The following MTOR variants were observed in gnomAD, a reference collection of about 807,000 sequenced individuals.
MTOR encodes the protein serine/threonine-protein kinase mTOR.
In MTOR, 70 loss-of-function variants were observed where a neutral mutation model predicts 319.8. That is an observed-to-expected ratio of 0.22 (90% CI 0.18 to 0.27). The LOEUF (loss-of-function observed/expected upper bound fraction) is 0.27. Ranked by LOEUF, MTOR falls within the 10% of genes least tolerant of loss-of-function variation. The pLI is 1.00. For missense variants in MTOR, 1,890 were observed against 3,274.4 expected (o/e 0.58, Z 10.32); for synonymous variants, 1,183 against 1,211.4 (o/e 0.98, Z 0.49).
intron 19 of MTOR, among the ~76,000 whole-genome samples, chr1:11,217,450 G>A (rs1326036727): frequency 2.0e-5 from 3 of 150,818 alleles, no homozygotes; most frequent in African/African-American, 7.3e-5. Flanking sequence ...GGAGTACAGT[G>A]GCATGATCTC....
rs373734530 is a variant in MTOR, at chr1:11,106,649, CAT to C, written c.*834_*835del. The C allele has an allele frequency of 1.6e-3, 1,767 of 1,103,648 alleles. 27 individuals carry two copies. In the African/African-American group the frequency reaches 0.026, roughly 16 times the overall value. The allele number at this position is 1,103,648 out of a possible 1,614,324, so 68.4% of individuals were successfully genotyped here. ...CATTTAGTTGAGTATTTGTTCTGCT[CAT>C]AATTTCCAATATGTACCAGACCTTC... On this transcript the variant is annotated 3_prime_UTR_variant, in exon 58 of 58. Coordinates refer to ENST00000361445, the MANE Select transcript of MTOR (RefSeq NM_004958.4).
chr1:11,106,766 C>T lies in MTOR; in HGVS notation c.*719G>A. 8.0e-7 allele frequency: 1 copy of T among 1,251,784 alleles called. No homozygotes were observed. The highest frequency in any genetic ancestry group is 1.0e-6 in the Non-Finnish European group (1 of 981,860). The allele number at this position is 1,251,784 out of a possible 1,614,324, so 77.5% of individuals were successfully genotyped here. A position where few individuals can be genotyped will look rare whatever the true frequency, so the allele number is the denominator to read the frequency against. ...TTGACCACTGAAAACATCCCAGAACCCTGCTGCAGAAGGCCAGTGAGGGTG... is the reference window on the plus strand; with the variant it reads ...TTGACCACTGAAAACATCCCAGAACTCTGCTGCAGAAGGCCAGTGAGGGTG... On this transcript the variant is annotated 3_prime_UTR_variant, in exon 58 of 58. Transcript: ENST00000361445.
At chr1:11,124,752 C>T in intron 46 of MTOR, 119 bp from the exon 47 acceptor site, 1 of 1,143,008 alleles carries the variant, frequency 8.7e-7, no homozygotes. Flanking sequence ...TCACACGTTC[C>T]TCACAAAAAG....
chr1:11,112,996 TAA>T, intron 53 of MTOR, 79 bp from the exon 54 acceptor site: 12 of 1,426,700 alleles, frequency 8.4e-6, no homozygotes, highest in Non-Finnish European at 9.8e-6. Context: ...CTTCCAGTCA[TAA>T]AAATATAATT....
At chr1:11,190,055 T>C (rs2100702253) in intron 28 of MTOR, 1 of 1,397,138 alleles carries the variant, frequency 7.2e-7, no homozygotes, top group Non-Finnish European at 9.6e-7. Context: ...GGGCCTCTTT[T>C]GTGGGTACAC....
intron 28 of MTOR, chr1:11,194,617 G>A (rs910797684): frequency 2.5e-6 from 4 of 1,614,216 alleles, no homozygotes; most frequent in Non-Finnish European, 3.4e-6. Flanking sequence ...CAAGGACAAG[G>A]ACAATGACAA....
chr1:11,228,881 TCC>T lies in MTOR; in HGVS notation c.2815_2816del (p.Gly939LysfsTer6). Reference protein sequence around the residue: ...YSTSEMLVNMGNLPLDEFYPA... With the variant: ...YSTSEMLVNMXNLPLDEFYPA... ...GGTAGAACTCATCCAGAGGCAAGTT[TCC>T]CATGTTGACCAGCATTTCACTAGTG... On this transcript the variant is annotated frameshift_variant, in exon 19 of 58. Coordinates refer to ENST00000361445, the MANE Select transcript of MTOR (RefSeq NM_004958.4). LOFTEE classifies it high-confidence loss of function. The T allele has an allele frequency of 2.5e-6, 4 of 1,614,146 alleles. No individual in the cohort carries two copies. The highest frequency in any genetic ancestry group is 3.4e-6 in the Non-Finnish European group (4 of 1,180,028).
chr1:11,238,305 C>T lies in MTOR; in HGVS notation c.2002+97G>A, dbSNP rs929545765. The T allele has an allele frequency of 3.1e-5, 41 of 1,309,832 alleles. No homozygotes were observed. The East Asian group carries it at 8.2e-4, about 26-fold the overall frequency. The allele number at this position is 1,309,832 out of a possible 1,614,324, so 81.1% of individuals were successfully genotyped here. ...ATAGCTGAATATCAGCTTTTTGAGC[C>T]GAAGAACTCTAGAGAGGCCATGTAA... On this transcript the variant is annotated intron_variant, in intron 12 of 57. Transcript: ENST00000361445.
At chr1:11,204,965 A>T (rs1646091692) in intron 25 of MTOR, among the ~76,000 whole-genome samples, 1 of 152,216 alleles carries the variant, frequency 6.6e-6, no homozygotes, top group Non-Finnish European at 1.5e-5. Context: ...CAGAACCAGA[A>T]TACATGGGAT....
intron 34 of MTOR, 125 bp downstream of exon 34, chr1:11,144,523 C>CAAT (rs1295561969): frequency 4.3e-6 from 3 of 705,026 alleles, no homozygotes; most frequent in Non-Finnish European, 7.3e-6. Context: ...GCAAGCCAAG[C>CAAT]AATACACTGG....
At chr1:11,134,739 C>T (rs1643324365) in intron 36 of MTOR, among the ~76,000 whole-genome samples, 1 of 152,204 alleles carries the variant, frequency 6.6e-6, no homozygotes, top group African/African-American at 2.4e-5. Flanking sequence ...AGTTTCATGC[C>T]TGGCTACCCC....
chr1:11,119,036 C>T (rs143289576), intron 49 of MTOR, among the ~76,000 whole-genome samples: 20 of 152,164 alleles, frequency 1.3e-4, no homozygotes, highest in African/African-American at 4.1e-4. Context: ...TAGTGTCTGA[C>T]TTGGGTTAAG....
chr1:11,194,824 T>C, intron 28 of MTOR: 1 of 1,612,440 alleles, frequency 6.2e-7, no homozygotes, highest in Non-Finnish European at 8.5e-7. Context: ...ACAGTCAACT[T>C]ACTAGCACTG....
intron 25 of MTOR, among the ~76,000 whole-genome samples, chr1:11,207,409 CTTTTTT>C (rs386366225): frequency 2.6e-5 from 3 of 114,174 alleles, no homozygotes; most frequent in Admixed American, 2.2e-4. Flanking sequence ...CCCCCTACCT[CTTTTTT>C]TTTTTTTTTT....
chr1:11,258,609 T>C lies in MTOR; in HGVS notation c.163-16A>G. 1.3e-6 allele frequency: 2 copies of C among 1,575,814 alleles called. No homozygotes were observed. Among genetic ancestry groups the C allele is most frequent in the Non-Finnish European group, 1.7e-6 (2 of 1,147,288 alleles). On this transcript the variant is annotated splice_polypyrimidine_tract_variant and intron_variant, in intron 2 of 57. Transcript: ENST00000361445. Reference sequence around the variant, plus strand: ...CTTGACTCATCTGCAAAAGAAGATATAATCAGAACAATTTCTAATAATTCT... The same window carrying C: ...CTTGACTCATCTGCAAAAGAAGATACAATCAGAACAATTTCTAATAATTCT...
At chr1:11,196,184 TG>T (rs1477234343) in intron 28 of MTOR, among the ~76,000 whole-genome samples, 5 of 152,170 alleles carry the variant, frequency 3.3e-5, no homozygotes, top group African/African-American at 1.2e-4. Flanking sequence ...ATTACACGTC[TG>T]GGGCTGGGCA....
At chr1:11,213,139 G>C (rs1240631877) in intron 21 of MTOR, among the ~76,000 whole-genome samples, 1 of 152,118 alleles carries the variant, frequency 6.6e-6, no homozygotes, top group Non-Finnish European at 1.5e-5. Context: ...ATCCGTTGCT[G>C]GAAAATAAAG....
At chr1:11,136,474 C>T (rs1643422942) in intron 36 of MTOR, among the ~76,000 whole-genome samples, 1 of 151,976 alleles carries the variant, frequency 6.6e-6, no homozygotes, top group African/African-American at 2.4e-5. Flanking sequence ...GATAAATGTT[C>T]CTTTAATTTT....
intron 47 of MTOR, among the ~76,000 whole-genome samples, chr1:11,122,997 C>T (rs892635829): frequency 6.6e-6 from 1 of 152,130 alleles, no homozygotes; most frequent in African/African-American, 2.4e-5. Flanking sequence ...TAAAATACCT[C>T]TCAAGTGAAT....
Sources: allele counts gnomAD v4.1 joint callset (sites outside exome capture counted in the v4.1 genomes callset), GRCh38; gene constraint gnomAD v4.1.1; transcripts MANE v1.5; gene names NCBI Gene and HGNC (gene_info 2026-07-23, HGNC 2026-07-21).